Variants in PKIA observed in about 807,000 individuals in gnomAD.
The protein encoded by PKIA is PKI-alpha.
In PKIA, 4 loss-of-function variants were observed where a neutral mutation model predicts 7.6. The ratio of observed to expected loss-of-function variants is 0.52; its 90% CI spans 0.26 to 1.20. The LOEUF (loss-of-function observed/expected upper bound fraction) is 1.20, where lower values mean the gene tolerates loss of function less well. PKIA is among the 50% of genes most tolerant of loss of function. The probability of loss-of-function intolerance (pLI) is 0.13; values close to 1 mark genes in which losing one functional copy is unlikely to be tolerated. For missense variants in PKIA, 73 were observed against 86.2 expected, an observed-to-expected ratio of 0.85 and a Z score of 0.61; for synonymous variants, 21 against 30.7, an observed-to-expected ratio of 0.68 and a Z score of 1.04.
At chr8:78,563,968 A>G (rs1807343709) in intron 1 of PKIA, among the ~76,000 whole-genome samples, 2 of 152,132 alleles carry the variant, frequency 1.3e-5, no homozygotes, top group South Asian at 4.1e-4. Flanking sequence ...AATAACCACT[A>G]CATACAGTGT....
chr8:78,569,650 A>G (rs1169874844), intron 1 of PKIA, among the ~76,000 whole-genome samples: 1 of 152,226 alleles, frequency 6.6e-6, no homozygotes, highest in Non-Finnish European at 1.5e-5. Context: ...ATGAAAAAAA[A>G]TTATAGTCAG....
intron 2 of PKIA, among the ~76,000 whole-genome samples, chr8:78,584,710 T>A (rs1807907671): frequency 6.6e-6 from 1 of 152,118 alleles, no homozygotes; most frequent in African/African-American, 2.4e-5. Context: ...CAAGCATTTT[T>A]ATTTGTATGT....
At chr8:78,578,098 C>A (rs1450093814) in intron 2 of PKIA, among the ~76,000 whole-genome samples, 1 of 151,896 alleles carries the variant, frequency 6.6e-6, no homozygotes, top group African/African-American at 2.4e-5. Context: ...GGAAGATATT[C>A]AAGACAGTGT....
intron 2 of PKIA, among the ~76,000 whole-genome samples, chr8:78,583,629 G>C (rs1424658586): frequency 1.3e-5 from 2 of 152,036 alleles, no homozygotes; most frequent in East Asian, 3.9e-4. Context: ...TTTTACAGTT[G>C]AATTACTGTA....
At chr8:78,532,759 CA>C (rs1806420743) in intron 1 of PKIA, among the ~76,000 whole-genome samples, 1 of 151,424 alleles carries the variant, frequency 6.6e-6, no homozygotes, top group Admixed American at 6.6e-5. Flanking sequence ...ATATTAAATA[CA>C]AAAAATTAGC....
chr8:78,583,315 A>G (rs921780343), intron 2 of PKIA, among the ~76,000 whole-genome samples: 1 of 152,258 alleles, frequency 6.6e-6, no homozygotes, highest in East Asian at 1.9e-4. Flanking sequence ...TTTTCCCAAC[A>G]TCAGATGGCA....
intron 2 of PKIA, among the ~76,000 whole-genome samples, chr8:78,595,170 C>T (rs1808198816): frequency 6.6e-6 from 1 of 151,858 alleles, no homozygotes; most frequent in African/African-American, 2.4e-5. Flanking sequence ...AGTGTAGGTA[C>T]GAAAGTAAAG....
At chr8:78,598,569 TG>T in intron 3 of PKIA, 34 bp downstream of exon 3, 1 of 1,562,012 alleles carries the variant, frequency 6.4e-7, no homozygotes, top group South Asian at 1.1e-5. Flanking sequence ...TCTATGAGCA[TG>T]GAATGATTTG....
At chr8:78,523,027 A>C (rs1809446552) in intron 1 of PKIA, among the ~76,000 whole-genome samples, 1 of 151,978 alleles carries the variant, frequency 6.6e-6, no homozygotes, top group Non-Finnish European at 1.5e-5. Context: ...CCTCCTCAGC[A>C]GAAGACAGTC....
intron 2 of PKIA, among the ~76,000 whole-genome samples, chr8:78,596,810 T>G (rs1808235927): frequency 6.6e-6 from 1 of 152,198 alleles, no homozygotes; most frequent in African/African-American, 2.4e-5. Context: ...GGTTTTACAT[T>G]TAAGTCTTTA....
intron 1 of PKIA, among the ~76,000 whole-genome samples, chr8:78,524,128 A>G: frequency 7.4e-6 from 1 of 134,336 alleles, no homozygotes; most frequent in Admixed American, 7.6e-5. Flanking sequence ...AAACATTTAT[A>G]TTTATATATA....
At chr8:78,576,912 C>A (rs113276887) in intron 2 of PKIA, among the ~76,000 whole-genome samples, 5,311 of 151,978 alleles carry the variant, frequency 0.035, 98 homozygotes, top group African/African-American at 0.043. Flanking sequence ...TTCACAATAG[C>A]AAAGACATGG....
chr8:78,526,903 C>A (rs533882135), intron 1 of PKIA, among the ~76,000 whole-genome samples: 2 of 151,878 alleles, frequency 1.3e-5, no homozygotes, highest in Non-Finnish European at 2.9e-5. Flanking sequence ...GAAAAGCACA[C>A]AATTTTACAT....
chr8:78,544,154 A>T (rs895085621), intron 1 of PKIA, among the ~76,000 whole-genome samples: 1 of 152,180 alleles, frequency 6.6e-6, no homozygotes, highest in Admixed American at 6.6e-5. Flanking sequence ...TACAATGTAG[A>T]TGTATACTAC....
At chr8:78,564,832 A>G (rs949471182) in intron 1 of PKIA, among the ~76,000 whole-genome samples, 1 of 151,968 alleles carries the variant, frequency 6.6e-6, no homozygotes, top group Non-Finnish European at 1.5e-5. Flanking sequence ...AAAATAGAAT[A>G]ATGCTTACTG....
At chr8:78,537,619 A>C (rs1806565320) in intron 1 of PKIA, among the ~76,000 whole-genome samples, 1 of 142,712 alleles carries the variant, frequency 7.0e-6, no homozygotes, top group Non-Finnish European at 1.5e-5. Context: ...CTAGAGTGCA[A>C]ATTCCATGAG....
intron 1 of PKIA, 37 bp downstream of exon 1, chr8:78,516,505 G>GC (rs1809317905): frequency 1.3e-5 from 2 of 152,418 alleles, no homozygotes; most frequent in South Asian, 4.1e-4. Flanking sequence ...TGGCCGCACT[G>GC]CGTGGAGCTT....
intron 1 of PKIA, among the ~76,000 whole-genome samples, chr8:78,525,639 T>TA (rs1809527258): frequency 6.6e-6 from 1 of 152,038 alleles, no homozygotes; most frequent in South Asian, 2.1e-4. Flanking sequence ...GCAAAGCAAT[T>TA]AGGTTAATCT....
chr8:78,599,384 A>G (rs1472038219), intron 3 of PKIA, among the ~76,000 whole-genome samples: 1 of 152,042 alleles, frequency 6.6e-6, no homozygotes, highest in Non-Finnish European at 1.5e-5. Flanking sequence ...TAATTATTCA[A>G]TATGTCTTCG....
Sources: gnomAD v4.1 joint callset for allele counts (sites outside exome capture counted in the v4.1 genomes callset) on GRCh38, gnomAD v4.1.1 for gene constraint, MANE v1.5 for transcripts, NCBI Gene and HGNC (gene_info 2026-07-23, HGNC 2026-07-21) for gene names.